Variants in CDH7 observed in about 807,000 individuals in gnomAD.
CDH7 encodes the protein cadherin 7, also known as cadherin-7.
A neutral mutation model predicts 71.8 loss-of-function variants in CDH7; 25 were observed. That is an observed-to-expected ratio of 0.35 (90% CI 0.25 to 0.49). The LOEUF (loss-of-function observed/expected upper bound fraction) is 0.49, where lower values mean the gene tolerates loss of function less well. Ranked by LOEUF, CDH7 falls within the 20% of genes least tolerant of loss-of-function variation. The probability of loss-of-function intolerance (pLI) is 0.99; values close to 1 mark genes in which losing one functional copy is unlikely to be tolerated. For synonymous variants in CDH7, 381 were observed against 363.8 expected (o/e 1.05, Z -0.54); for missense variants, 862 against 974.6 (o/e 0.88, Z 1.54).
chr18:65,762,470 T>C (rs1916219238), intron 1 of CDH7, among the ~76,000 whole-genome samples, 177 bp from the exon 2 acceptor site: 1 of 152,112 alleles, frequency 6.6e-6, no homozygotes, highest in East Asian at 1.9e-4. Context: ...AATATATCAA[T>C]GTATATTATA....
Position 65,862,629 on chromosome 18 carries a change from G to A in CDH7, c.1613-37G>A, listed in dbSNP as rs376365469. On this transcript the variant is annotated intron_variant, in intron 10 of 11. Transcript: ENST00000397968. ...AAGTTTGGGAAGACTGATTCCATCA[G>A]AAATCTGGTGTTATACATTTGCTTT... 3.0e-4 allele frequency: 471 copies of A among 1,596,248 alleles called. 7 individuals carry two copies. The Middle Eastern group carries it at 0.016, about 54-fold the overall frequency.
At position 65,824,719 on chromosome 18, in the gene CDH7, A is replaced by C; in HGVS notation, c.869A>C (p.Asp290Ala). Residue 290 changes from aspartate to alanine, a missense_variant, in exon 6 of 12, where the codon GAT becomes GCT. Physicochemically the swap from Asp to Ala is moderately radical, Grantham distance 126. Coordinates refer to ENST00000397968, the MANE Select transcript of CDH7 (RefSeq NM_004361.5). ...VVARIKAADA[D>A]IGANAEMEYK... is the part of the protein sequence containing the mutation. ...GCCAGAATTAAAGCTGCTGATGCAG[A>C]TATTGGAGCTAATGCTGAAATGGAG... 6.2e-7 allele frequency: 1 copy of C among 1,612,616 alleles called. No homozygotes were observed. Among genetic ancestry groups the C allele is most frequent in the Non-Finnish European group, 8.5e-7 (1 of 1,178,882 alleles).
intron 11 of CDH7, among the ~76,000 whole-genome samples, chr18:65,870,682 C>T (rs755250212): frequency 7.2e-5 from 11 of 152,108 alleles, no homozygotes; most frequent in Non-Finnish European, 1.3e-4. Context: ...CATTTCTTCA[C>T]CTGTCAAGTT....
chr18:65,858,495 C>T (rs950895313), intron 8 of CDH7, among the ~76,000 whole-genome samples: 6 of 151,854 alleles, frequency 4.0e-5, no homozygotes, highest in Non-Finnish European at 7.4e-5. Context: ...CAAATATGAG[C>T]TCTAACATCA....
chr18:65,784,619 T>G (rs1433564157), intron 2 of CDH7, among the ~76,000 whole-genome samples: 5 of 152,190 alleles, frequency 3.3e-5, no homozygotes, highest in African/African-American at 1.2e-4. Flanking sequence ...TTATGTCTAC[T>G]GTAGAAATAC....
At chr18:65,867,097 G>A (rs1219641730) in intron 11 of CDH7, among the ~76,000 whole-genome samples, 1 of 148,274 alleles carries the variant, frequency 6.7e-6, no homozygotes, top group East Asian at 2.0e-4. Context: ...GTGCAGTGGT[G>A]CAATCTCGAC....
chr18:65,821,721 GGAA>G (rs1911936505), intron 4 of CDH7, among the ~76,000 whole-genome samples: 1 of 152,014 alleles, frequency 6.6e-6, no homozygotes, highest in South Asian at 2.1e-4. Flanking sequence ...TTGTTGAGAT[GGAA>G]GAAAAAGACA....
At chr18:65,779,080 T>C (rs1910077457) in intron 2 of CDH7, among the ~76,000 whole-genome samples, 1 of 150,274 alleles carries the variant, frequency 6.7e-6, no homozygotes, top group South Asian at 2.1e-4. Flanking sequence ...GTTTGTTTGT[T>C]TGTTTTTTTT....
intron 7 of CDH7, among the ~76,000 whole-genome samples, chr18:65,851,132 C>T (rs908703314): frequency 1.3e-5 from 2 of 152,004 alleles, no homozygotes; most frequent in Non-Finnish European, 2.9e-5. Context: ...GTTTACTTAT[C>T]ATTAAATTCC....
Position 65,880,866 on chromosome 18 carries a change from G to A in CDH7, c.2330G>A (p.Gly777Glu). 1 of 1,613,628 alleles carries A rather than the reference G, an allele frequency of 6.2e-7. No individual in the cohort carries two copies. Among genetic ancestry groups the A allele is most frequent in the Middle Eastern group, 1.7e-4 (1 of 6,058 alleles). Residue 777 changes from glycine to glutamate, a missense_variant, in exon 12 of 12, where the codon GGG becomes GAG. Transcript: ENST00000397968. ...TTTAAACGACTCGCGGACATGTATG[G>A]GACTGGCCAAGAGAGTTTGTACTCA... is the stretch of plus-strand genomic sequence containing the variant. ...PRFKRLADMY[G>E]TGQESLYS is the part of the protein sequence containing the mutation.
chr18:65,762,765 T>C lies in CDH7; in HGVS notation c.-78T>C, dbSNP rs1012720997. ...CTGACACCCTGCCGGAGGCAAGAGCTACTAAGCCAACTGGAACTGTGCCTT... is the reference window on the plus strand; with the variant it reads ...CTGACACCCTGCCGGAGGCAAGAGCCACTAAGCCAACTGGAACTGTGCCTT... On this transcript the variant is annotated 5_prime_UTR_variant, in exon 2 of 12. Transcript: ENST00000397968. The C allele has an allele frequency of 2.4e-6, 3 of 1,242,062 alleles. No homozygotes were observed. In the African/African-American group the frequency reaches 4.6e-5, roughly 19 times the overall value. The allele number at this position is 1,242,062 out of a possible 1,614,324, so 76.9% of individuals were successfully genotyped here. A position where few individuals can be genotyped will look rare whatever the true frequency, so the allele number is the denominator to read the frequency against.
chr18:65,809,886 A>T lies in CDH7; in HGVS notation c.393A>T (p.Lys131Asn). Residue 131 changes from lysine (K) to asparagine (N), a missense_variant, in exon 3 of 12, where the codon AAA (lysine) becomes AAT (asparagine). By Grantham distance (94) the Lys-to-Asn change is moderately conservative. Coordinates refer to ENST00000397968, the MANE Select transcript of CDH7 (RefSeq NM_004361.5). Reference sequence around the variant, plus strand: ...AAGCGCTGGATAGGCTCACCAACAAACCCGTGGAGCCCGAGTCGGAGTTTG... The same window carrying T: ...AAGCGCTGGATAGGCTCACCAACAATCCCGTGGAGCCCGAGTCGGAGTTTG... ...RAQALDRLTNKPVEPESEFVI... is the reference protein window; with the variant it reads ...RAQALDRLTNNPVEPESEFVI... The T allele has an allele frequency of 6.2e-7, 1 of 1,613,670 alleles. No homozygotes were observed.
chr18:65,751,035 C>A lies in CDH7; in HGVS notation c.-312C>A, dbSNP rs1420637119. 1 of 152,230 alleles carries A rather than the reference C, an allele frequency of 6.6e-6. No homozygotes were observed. Among genetic ancestry groups the A allele is most frequent in the African/African-American group, 2.4e-5 (1 of 41,468 alleles). The allele number at this position is 152,230 out of a possible 1,614,324, so 9.4% of individuals were successfully genotyped here. ...CCAGTCTGCCCCGCGCGCGGAGCTG[C>A]GCGCACTGGGTCCCCAAGAGCCCGC... On this transcript the variant is annotated 5_prime_UTR_variant, in exon 1 of 12. Transcript: ENST00000397968.
intron 7 of CDH7, among the ~76,000 whole-genome samples, chr18:65,850,080 C>G (rs1349702673): frequency 6.6e-6 from 1 of 151,298 alleles, no homozygotes; most frequent in African/African-American, 2.4e-5. Flanking sequence ...TGAAGAATCT[C>G]TTGAACCCAG....
intron 2 of CDH7, among the ~76,000 whole-genome samples, chr18:65,794,589 T>A (rs533787183): frequency 2.0e-4 from 30 of 148,972 alleles, no homozygotes; most frequent in African/African-American, 7.4e-4. Flanking sequence ...CAAGGAGGGG[T>A]TAGAAAAAAA....
At chr18:65,759,640 G>A (rs1916135716) in intron 1 of CDH7, among the ~76,000 whole-genome samples, 1 of 152,056 alleles carries the variant, frequency 6.6e-6, no homozygotes, top group African/African-American at 2.4e-5. Context: ...TCAAAAAGTA[G>A]AAAAGTAAGA....
intron 2 of CDH7, among the ~76,000 whole-genome samples, chr18:65,772,695 C>T (rs914899459): frequency 1.3e-5 from 2 of 152,034 alleles, no homozygotes; most frequent in African/African-American, 4.8e-5. Context: ...TAGACACAAC[C>T]TTAGAACAGT....
chr18:65,844,935 G>A lies in CDH7; in HGVS notation c.1235+870G>A, dbSNP rs8099610. 1.4e-4 allele frequency among the ~76,000 whole-genome samples: 22 copies of A among 152,040 alleles called. No individual in the cohort carries two copies. The South Asian group carries it at 4.1e-3, about 29-fold the overall frequency. On this transcript the variant is annotated intron_variant, in intron 7 of 11. Transcript: ENST00000397968. Reference sequence around the variant, plus strand: ...AAAAATAAATAAAACAACAATGATTGTTTTATCTTCAGATATGTTCAATTA... The same window carrying A: ...AAAAATAAATAAAACAACAATGATTATTTTATCTTCAGATATGTTCAATTA...
At chr18:65,789,697 T>C (rs113025302) in intron 2 of CDH7, among the ~76,000 whole-genome samples, 1,939 of 152,022 alleles carry the variant, frequency 0.013, 30 homozygotes, top group African/African-American at 0.045. Context: ...TAACAATTAT[T>C]TGGAAAGTAG....
Sources: allele counts gnomAD v4.1 joint callset (sites outside exome capture counted in the v4.1 genomes callset), GRCh38; gene constraint gnomAD v4.1.1; transcripts MANE v1.5; gene names NCBI Gene and HGNC (gene_info 2026-07-23, HGNC 2026-07-21).